The following ZDHHC23 variants were observed in gnomAD, a reference collection of about 807,000 sequenced individuals.
The protein encoded by ZDHHC23 is zDHHC palmitoyltransferase 23.
In ZDHHC23, 41 loss-of-function variants were observed where a neutral mutation model predicts 40.2. The ratio of observed to expected loss-of-function variants is 1.02; its 90% CI spans 0.79 to 1.32. ZDHHC23 has a LOEUF of 1.32. Among genes scored for constraint, ZDHHC23 ranks in the 40% most tolerant of loss-of-function variants. The pLI is 0.00. For synonymous variants in ZDHHC23, 204 were observed against 210.2 expected (o/e 0.97, Z 0.26); for missense variants, 471 against 541.5 (o/e 0.87, Z 1.29).
In ZDHHC23 at chr3:113,954,191, A is replaced by G. The variant is rs1192992084; in HGVS notation, c.653A>G (p.Gln218Arg). 5 of 1,614,232 alleles carry G rather than the reference A, an allele frequency of 3.1e-6. No homozygotes were observed. Among genetic ancestry groups the G allele is most frequent in the Non-Finnish European group, 4.2e-6 (5 of 1,180,036 alleles). ...SQLECLSRKGQEKTKGFPGAD... is the reference protein window; with the variant it reads ...SQLECLSRKGREKTKGFPGAD... The stretch of plus-strand genomic sequence containing the variant: ...CTGGAGTGCCTGAGCAGAAAAGGGC[A>G]GGAGAAGACCAAAGGGTTCCCTGGG... Residue 218 changes from glutamine (Q) to arginine (R), a missense_variant, in exon 3 of 5, where the codon CAG becomes CGG. By Grantham distance (43) the Gln-to-Arg change is conservative. Around this residue, in one of 3 missense-constraint regions of ZDHHC23, gnomAD observed 346 missense variants for 399.8 expected, o/e 0.87. Coordinates refer to ENST00000638807, the MANE Select transcript of ZDHHC23 (RefSeq NM_001320466.2).
At chr3:113,957,135 G>A (rs780217346) in intron 4 of ZDHHC23, among the ~76,000 whole-genome samples, 7 of 152,026 alleles carry the variant, frequency 4.6e-5, no homozygotes, top group Non-Finnish European at 7.4e-5. Context: ...GGATTCTTCC[G>A]CTTCGGCCTC....
In ZDHHC23 at chr3:113,948,755, C is replaced by A. The variant is rs760635228; in HGVS notation, c.-48C>A. ...GAGATGTAAGTTGTGTTCTTTCCAC[C>A]TTTACCTTCTGAGGGCTTCTTACGC... is the stretch of plus-strand genomic sequence containing the variant. On this transcript the variant is annotated 5_prime_UTR_variant, in exon 2 of 5. Coordinates refer to ENST00000638807, the MANE Select transcript of ZDHHC23 (RefSeq NM_001320466.2). 27 of 1,611,006 alleles carry A rather than the reference C, an allele frequency of 1.7e-5. No homozygotes were observed. Among genetic ancestry groups the A allele is most frequent in the Non-Finnish European group, 2.3e-5 (27 of 1,178,268 alleles).
chr3:113,951,368 T>C (rs1261835295), intron 2 of ZDHHC23, among the ~76,000 whole-genome samples: 1 of 152,128 alleles, frequency 6.6e-6, no homozygotes, highest in Non-Finnish European at 1.5e-5. Context: ...CAGCCAGGCC[T>C]CTACAGCTCC....
the ZDHHC23 span, among the ~76,000 whole-genome samples, chr3:113,972,185 G>A: frequency 6.6e-6 from 1 of 152,014 alleles, no homozygotes; most frequent in African/African-American, 2.4e-5. Context: ...TTTGAAGTCT[G>A]TCAACTTTTT....
chr3:113,952,433 T>A lies in ZDHHC23; in HGVS notation c.162-1267T>A, dbSNP rs1397653227. ...TGCGAGCCTTCTGTTCATTACCTCT[T>A]AGGGATTCTCGAAGATTGAGGCTTT... On this transcript the variant is annotated intron_variant, in intron 2 of 4. Transcript: ENST00000638807. Among the ~76,000 whole-genome samples, 3 of 152,208 alleles carry A rather than the reference T, an allele frequency of 2.0e-5. No individual in the cohort carries two copies. In the East Asian group the frequency reaches 5.8e-4, roughly 29 times the overall value.
downstream of ZDHHC23, chr3:113,964,403 G>A: frequency 6.6e-6 from 1 of 152,134 alleles, no homozygotes; most frequent in Admixed American, 6.6e-5. Context: ...ATTCAAGATA[G>A]GTATCTCAAT....
At chr3:113,953,457 G>A (rs1938875613) in intron 2 of ZDHHC23, among the ~76,000 whole-genome samples, 2 of 152,202 alleles carry the variant, frequency 1.3e-5, no homozygotes, top group Non-Finnish European at 2.9e-5. Context: ...CTTGCAGCAT[G>A]TGTCTGTACC....
At chr3:113,953,212 C>G (rs1363775402) in intron 2 of ZDHHC23, among the ~76,000 whole-genome samples, 1 of 152,182 alleles carries the variant, frequency 6.6e-6, no homozygotes, top group African/African-American at 2.4e-5. Context: ...GCTAGCTGGA[C>G]ATCAAGGTTG....
Position 113,960,395 on chromosome 3 carries a change from A to G in ZDHHC23, c.*1765A>G. ...CTGGCCCAGAGCTGAATATTCATCT[A>G]GAATTAAAGTTGGATTTGATATAAC... On this transcript the variant is annotated 3_prime_UTR_variant, in exon 5 of 5. Coordinates refer to ENST00000638807, the MANE Select transcript of ZDHHC23 (RefSeq NM_001320466.2). The G allele has an allele frequency of 8.2e-7, 1 of 1,214,828 alleles. No individual in the cohort carries two copies. The highest frequency in any genetic ancestry group is 1.0e-6 in the Non-Finnish European group (1 of 974,702). 75.3% of individuals were successfully genotyped at this position (1,214,828 alleles called of 1,614,324 possible).
At chr3:113,965,467 G>C, downstream of ZDHHC23, 1 of 570,348 alleles carries the variant, frequency 1.8e-6, no homozygotes, top group Non-Finnish European at 2.9e-6. Flanking sequence ...ATAAAATGCT[G>C]TATAAAAGGT....
the ZDHHC23 span, among the ~76,000 whole-genome samples, chr3:113,970,988 T>G: frequency 6.6e-6 from 1 of 152,216 alleles, no homozygotes; most frequent in Non-Finnish European, 1.5e-5. Context: ...TTGGGTTGGT[T>G]CCAAGTCTTT....
chr3:113,956,382 C>T lies in ZDHHC23; in HGVS notation c.916C>T (p.Leu306Phe). 1 of 1,614,216 alleles carries T rather than the reference C, an allele frequency of 6.2e-7. No homozygotes were observed. The highest frequency in any genetic ancestry group is 8.5e-7 in the Non-Finnish European group (1 of 1,180,040). ...AGAATCAAATCATCAAGCATTTATA[C>T]TTGCCCTTTTGATCTTCTTGCTCAC... Reference protein sequence around the residue: ...VGESNHQAFILALLIFLLTSV... With the variant: ...VGESNHQAFIFALLIFLLTSV... Residue 306 changes from leucine to phenylalanine, a missense_variant, in exon 4 of 5, where the codon CTT (leucine) becomes TTT (phenylalanine). By Grantham distance (22) the Leu-to-Phe change is conservative. Coordinates refer to ENST00000638807, the MANE Select transcript of ZDHHC23 (RefSeq NM_001320466.2).
At chr3:113,955,762 T>C (rs941671841) in intron 3 of ZDHHC23, among the ~76,000 whole-genome samples, 2 of 152,152 alleles carry the variant, frequency 1.3e-5, no homozygotes, top group Non-Finnish European at 2.9e-5. Flanking sequence ...AATATTGATA[T>C]TTAGGAAGAT....
At chr3:113,955,389 T>TGCGCGC (rs199620524) in intron 3 of ZDHHC23, among the ~76,000 whole-genome samples, 1 of 140,150 alleles carries the variant, frequency 7.1e-6, no homozygotes, top group Admixed American at 7.1e-5. Flanking sequence ...TGTGTGTGTG[T>TGCGCGC]GTGCGTGTGT....
At chr3:113,953,458 T>C (rs994144532) in intron 2 of ZDHHC23, among the ~76,000 whole-genome samples, 1 of 152,248 alleles carries the variant, frequency 6.6e-6, no homozygotes. Context: ...TTGCAGCATG[T>C]GTCTGTACCT....
At position 113,953,953 on chromosome 3, in the gene ZDHHC23, C is replaced by T. The variant is rs1424138684; in HGVS notation, c.415C>T (p.Leu139=). Residue 139 remains leucine (L), a synonymous_variant, in exon 3 of 5, where the codon CTG becomes TTG. Transcript: ENST00000638807. ...CACTCACAGAAGGAAAGAACAGACCCTGTTTTTCCTGAGCCTTGGACTGTT... is the reference window on the plus strand; with the variant it reads ...CACTCACAGAAGGAAAGAACAGACCTTGTTTTTCCTGAGCCTTGGACTGTT... ...YLTHRRKEQT[L]FFLSLGLFSL... 2 of 1,614,150 alleles carry T rather than the reference C, an allele frequency of 1.2e-6. No individual in the cohort carries two copies. Among genetic ancestry groups the T allele is most frequent in the Non-Finnish European group, 8.5e-7 (1 of 1,180,028 alleles).
At chr3:113,965,506 T>C, downstream of ZDHHC23, 1 of 423,476 alleles carries the variant, frequency 2.4e-6, no homozygotes, top group Non-Finnish European at 4.1e-6. Context: ...ATTATGACAG[T>C]GTGAAATGCT....
chr3:113,965,435 T>C (rs1940023271), downstream of ZDHHC23: 1 of 752,082 alleles, frequency 1.3e-6, no homozygotes, highest in South Asian at 2.1e-5. Context: ...TTAAGAACTT[T>C]ATAAAAATAA....
downstream of ZDHHC23, chr3:113,965,112 A>G: frequency 7.7e-7 from 1 of 1,290,380 alleles, no homozygotes; most frequent in Non-Finnish European, 1.1e-6. Context: ...ACACACATAC[A>G]GACTAGTCGA....
Sources: allele counts gnomAD v4.1 joint callset (sites outside exome capture counted in the v4.1 genomes callset), GRCh38; gene constraint gnomAD v4.1.1; regional missense constraint gnomAD v4.1.1; transcripts MANE v1.5; gene names NCBI Gene and HGNC (gene_info 2026-07-23, HGNC 2026-07-21).